Variants in CPEB2 observed in about 807,000 individuals in gnomAD.
CPEB2 encodes the protein cytoplasmic polyadenylation element binding protein 2, also known as cytoplasmic polyadenylation element-binding protein 2.
CPEB2 carries 56 observed loss-of-function variants against 93.6 expected under a neutral mutation model. That is an observed-to-expected ratio of 0.60 (90% CI 0.48 to 0.75). The LOEUF is 0.75. CPEB2 is among the 30% of genes least tolerant of loss of function. The probability of loss-of-function intolerance (pLI) is 0.00; values close to 1 mark genes in which losing one functional copy is unlikely to be tolerated. For missense variants in CPEB2, 1,579 were observed against 1,395.1 expected (o/e 1.13, Z -2.10); for synonymous variants, 764 against 586.3 (o/e 1.30, Z -4.38).
At chr4:15,043,774 T>TA (rs901580932) in intron 6 of CPEB2, among the ~76,000 whole-genome samples, 1 of 152,038 alleles carries the variant, frequency 6.6e-6, no homozygotes, top group African/African-American at 2.4e-5. Flanking sequence ...GCAATCCTTT[T>TA]AAGCAAGGAA....
At chr4:15,007,930 A>G (rs1723037642) in intron 2 of CPEB2, among the ~76,000 whole-genome samples, 1 of 152,188 alleles carries the variant, frequency 6.6e-6, no homozygotes, top group Non-Finnish European at 1.5e-5. Flanking sequence ...TAATATAGCT[A>G]AGCTAATATG....
intron 5 of CPEB2, among the ~76,000 whole-genome samples, chr4:15,034,815 AT>A (rs1726450053): frequency 6.6e-6 from 1 of 152,178 alleles, no homozygotes; most frequent in South Asian, 2.1e-4. Context: ...AATATTAGGG[AT>A]TTAAATAATT....
At chr4:15,007,932 G>A (rs1723038101) in intron 2 of CPEB2, among the ~76,000 whole-genome samples, 1 of 152,090 alleles carries the variant, frequency 6.6e-6, no homozygotes, top group African/African-American at 2.4e-5. Context: ...ATATAGCTAA[G>A]CTAATATGTT....
At chr4:15,027,648 T>A (rs908595311) in intron 4 of CPEB2, among the ~76,000 whole-genome samples, 68 of 152,112 alleles carry the variant, frequency 4.5e-4, no homozygotes, top group African/African-American at 1.5e-3. Flanking sequence ...ATTGGAAGAG[T>A]CTGTCAAATG....
intron 6 of CPEB2, among the ~76,000 whole-genome samples, chr4:15,049,792 C>A (rs994504526): frequency 6.6e-6 from 1 of 152,134 alleles, no homozygotes; most frequent in Non-Finnish European, 1.5e-5. Context: ...TAGAATAATT[C>A]ATTTCCTATA....
At chr4:15,061,396 A>G (rs972110435) in intron 10 of CPEB2, among the ~76,000 whole-genome samples, 6 of 152,098 alleles carry the variant, frequency 3.9e-5, no homozygotes, top group Non-Finnish European at 5.9e-5. Flanking sequence ...GTGGGATAAT[A>G]TATTCTAGAA....
intron 6 of CPEB2, among the ~76,000 whole-genome samples, chr4:15,047,385 A>G (rs1727813116): frequency 6.6e-6 from 1 of 152,118 alleles, no homozygotes; most frequent in Non-Finnish European, 1.5e-5. Flanking sequence ...TACATCTAAC[A>G]TGGTTTCTTC....
At position 15,003,897 on chromosome 4, in the gene CPEB2, ACCCCAGCAGCCG is replaced by A. The variant is rs1722388781; in HGVS notation, c.1232_1243del (p.Gln411_Gln414del). On this transcript the variant is annotated inframe_deletion, in exon 1 of 12. Transcript: ENST00000538197. Reference sequence around the variant, plus strand: ...CCCAGCCGCAGCAGCAGCCGCCGCCACCCCAGCAGCCGCCCCAGCCGCAGCCGCAGCCGCCCG... The same window carrying A: ...CCCAGCCGCAGCAGCAGCCGCCGCCACCCCAGCCGCAGCCGCAGCCGCCCG... 1.2e-6 allele frequency: 1 copy of A among 857,090 alleles called. No homozygotes were observed. Among genetic ancestry groups the A allele is most frequent in the Non-Finnish European group, 1.5e-6 (1 of 655,552 alleles). 53.1% of individuals were successfully genotyped at this position (857,090 alleles called of 1,614,324 possible).
At chr4:15,007,674 TAAC>T in intron 2 of CPEB2, 88 bp downstream of exon 2, 1 of 790,406 alleles carries the variant, frequency 1.3e-6, no homozygotes, top group Non-Finnish European at 1.8e-6. Flanking sequence ...ATGCTAAAAT[TAAC>T]ATTTTTTGAA....
intron 3 of CPEB2, among the ~76,000 whole-genome samples, chr4:15,012,817 T>C (rs1723662649): frequency 6.6e-6 from 1 of 152,148 alleles, no homozygotes; most frequent in Non-Finnish European, 1.5e-5. Flanking sequence ...TCATTAAATA[T>C]AAGAATATAG....
chr4:15,014,377 A>C (rs934491755), intron 3 of CPEB2, among the ~76,000 whole-genome samples: 1 of 148,808 alleles, frequency 6.7e-6, no homozygotes, highest in African/African-American at 2.6e-5. Flanking sequence ...GATATGGCAC[A>C]CCTGCAGAGG....
Position 15,007,399 on chromosome 4 carries a change from G to T in CPEB2, c.1757G>T (p.Arg586Leu), listed in dbSNP as rs113158971. 6.2e-7 allele frequency: 1 copy of T among 1,613,814 alleles called. No homozygotes were observed. The highest frequency in any genetic ancestry group is 8.5e-7 in the Non-Finnish European group (1 of 1,179,812). Residue 586 changes from arginine (R) to leucine (L), a missense_variant, in exon 2 of 12, where the codon CGT (arginine) becomes CTT (leucine). By Grantham distance (102) the Arg-to-Leu change is moderately radical. Transcript: ENST00000538197. The stretch of plus-strand genomic sequence containing the variant: ...GGAGCAATGCATGGCAGAGATCATC[G>T]TAGAACCGGAAACATGGGAATCCCA... ...SWGAMHGRDH[R>L]RTGNMGIPGT...
rs891868619 is a variant in CPEB2 at position 15,003,902 on chromosome 4, AGCAGCCGCCCCAGCC to A, written c.1238_1252del (p.Pro413_Pro417del). 2 of 904,462 alleles carry A rather than the reference AGCAGCCGCCCCAGCC, an allele frequency of 2.2e-6. No individual in the cohort carries two copies. The highest frequency in any genetic ancestry group is 2.9e-6 in the Non-Finnish European group (2 of 693,592). 56.0% of individuals were successfully genotyped at this position (904,462 alleles called of 1,614,324 possible). ...CCGCAGCAGCAGCCGCCGCCACCCC[AGCAGCCGCCCCAGCC>A]GCAGCCGCAGCCGCCCGGCTCGTCT... On this transcript the variant is annotated inframe_deletion, in exon 1 of 12. Transcript: ENST00000538197.
chr4:15,062,149 G>C lies in CPEB2; in HGVS notation c.2766G>C (p.Glu922Asp). 1 of 1,612,774 alleles carries C rather than the reference G, an allele frequency of 6.2e-7. No homozygotes were observed. Residue 922 changes from glutamate (E) to aspartate (D), a missense_variant, in exon 11 of 12, where the codon GAG becomes GAC. Physicochemically the swap from Glu to Asp is conservative, Grantham distance 45. Around this residue, in one of 2 missense-constraint regions of CPEB2, gnomAD observed 168 missense variants for 339.1 expected, o/e 0.50. Coordinates refer to ENST00000538197, the MANE Select transcript of CPEB2 (RefSeq NM_001177382.2). ...VCYAGIDTDP[E>D]LKYPKGAGRV... ...ATGCAGGAATTGATACAGATCCTGAGCTAAAATACCCAAAAGGTGCTGGGC... is the reference window on the plus strand; with the variant it reads ...ATGCAGGAATTGATACAGATCCTGACCTAAAATACCCAAAAGGTGCTGGGC...
At chr4:15,042,334 T>C (rs1346677001) in intron 6 of CPEB2, among the ~76,000 whole-genome samples, 2 of 152,202 alleles carry the variant, frequency 1.3e-5, no homozygotes, top group East Asian at 3.8e-4. Context: ...ATGATTATAT[T>C]AAGAAAAAAC....
At position 15,003,165 on chromosome 4, in the gene CPEB2, G is replaced by T. The variant is rs976887423; in HGVS notation, c.492G>T (p.Gln164His). ...GCTGCTGCCGCACCTCCTCCCCGCA[G>T]GACTTCAGTAAGCGGCAGCAGCAGC... is the stretch of plus-strand genomic sequence containing the variant. Reference protein sequence around the residue: ...SCCCCRTSSPQDFSKRQQQQL... With the variant: ...SCCCCRTSSPHDFSKRQQQQL... Residue 164 changes from glutamine (Q) to histidine (H), a missense_variant, in exon 1 of 12, where the codon CAG (glutamine) becomes CAT (histidine). Gln to His is a conservative substitution (Grantham distance 24). Transcript: ENST00000538197. The T allele has an allele frequency of 2.6e-6, 4 of 1,534,232 alleles. No individual in the cohort carries two copies. The highest frequency in any genetic ancestry group is 2.7e-5 in the African/African-American group (2 of 72,740).
Position 15,003,308 on chromosome 4 carries a change from C to T in CPEB2, c.635C>T (p.Pro212Leu). ...TGCCCCGGTCGGTTCAGCCCGCCGC[C>T]GCCGCCAGCCGGCCCGCTCCTCCAG... ...LHCPGRFSPP[P>L]PPAGPLLQPA... is the part of the protein sequence containing the mutation. Residue 212 changes from proline to leucine, a missense_variant, in exon 1 of 12, where the codon CCG becomes CTG. By Grantham distance (98) the Pro-to-Leu change is moderately conservative (BLOSUM62 -3). Transcript: ENST00000538197. 2.1e-6 allele frequency: 3 copies of T among 1,428,690 alleles called. 1 individual carries two copies. The South Asian group carries it at 4.5e-5, about 22-fold the overall frequency. 88.5% of individuals were successfully genotyped at this position (1,428,690 alleles called of 1,614,324 possible).
intron 6 of CPEB2, among the ~76,000 whole-genome samples, chr4:15,042,003 G>C (rs151154021): frequency 0.016 from 2,480 of 152,192 alleles, 28 homozygotes; most frequent in Non-Finnish European, 0.026. Context: ...AGCTGAGAAG[G>C]GGGGAGCAGT....
chr4:15,029,040 G>A (rs112710095), intron 4 of CPEB2, among the ~76,000 whole-genome samples: 3,605 of 152,068 alleles, frequency 0.024, 89 homozygotes, highest in South Asian at 0.14. Flanking sequence ...GATCGGCAAT[G>A]CTCAAGTCCC....
Sources: allele counts gnomAD v4.1 joint callset (sites outside exome capture counted in the v4.1 genomes callset), GRCh38; gene constraint gnomAD v4.1.1; regional missense constraint gnomAD v4.1.1; transcripts MANE v1.5; gene names NCBI Gene and HGNC (gene_info 2026-07-23, HGNC 2026-07-21).